The following DYNLT2 variants were observed in gnomAD, a reference collection of about 807,000 sequenced individuals.
DYNLT2 encodes the protein dynein light chain Tctex-type protein 2.
In DYNLT2, 24 loss-of-function variants were observed where a neutral mutation model predicts 24.3. The ratio of observed to expected loss-of-function variants is 0.99; its 90% CI spans 0.71 to 1.39. The LOEUF (loss-of-function observed/expected upper bound fraction) is 1.39. DYNLT2 is among the 40% of genes most tolerant of loss of function. The probability of loss-of-function intolerance (pLI) is 0.00; values close to 1 mark genes in which losing one functional copy is unlikely to be tolerated. For synonymous variants in DYNLT2, 85 were observed against 85.4 expected (o/e 1.00, Z 0.03); for missense variants, 246 against 234.5 (o/e 1.05, Z -0.32).
intron 1 of DYNLT2, 183 bp downstream of exon 1, chr6:169,751,156 A>G: frequency 1.1e-6 from 1 of 905,950 alleles, no homozygotes; most frequent in Non-Finnish European, 1.6e-6. Context: ...ACTCAAGTCC[A>G]AAGGGGACTG....
chr6:169,734,523 A>G, the DYNLT2 span, among the ~76,000 whole-genome samples: 1 of 152,110 alleles, frequency 6.6e-6, no homozygotes, highest in Non-Finnish European at 1.5e-5. Context: ...AGCCCTATCA[A>G]TCTGCATCTA....
At chr6:169,749,822 T>C (rs994831252) in intron 1 of DYNLT2, 59 of 152,278 alleles carry the variant, frequency 3.9e-4, no homozygotes, top group African/African-American at 1.4e-3. Context: ...GCAAGACAGA[T>C]AAAATCAAGA....
the DYNLT2 span, among the ~76,000 whole-genome samples, chr6:169,734,788 C>T: frequency 5.1e-4 from 77 of 152,042 alleles, no homozygotes; most frequent in South Asian, 1.7e-3. Flanking sequence ...GGTATCAGGG[C>T]GATGCTGGCT....
At chr6:169,746,463 TTTC>T (rs1205851732) in intron 1 of DYNLT2, among the ~76,000 whole-genome samples, 1 of 152,216 alleles carries the variant, frequency 6.6e-6, no homozygotes, top group Non-Finnish European at 1.5e-5. Context: ...AAATTTGAGA[TTTC>T]TTCTTTTGTA....
chr6:169,725,463 G>A, the DYNLT2 span: 1 of 397,374 alleles, frequency 2.5e-6, no homozygotes, highest in Non-Finnish European at 4.4e-6. Context: ...GGGCCCTCAA[G>A]CCGATCCTAA....
chr6:169,751,171 A>G (rs149725150), intron 1 of DYNLT2, 168 bp downstream of exon 1: 18 of 1,066,696 alleles, frequency 1.7e-5, no homozygotes, highest in South Asian at 4.7e-5. Flanking sequence ...GGACTGCCCA[A>G]CTCAGTCTCA....
intron 1 of DYNLT2, among the ~76,000 whole-genome samples, chr6:169,747,967 T>G (rs573695566): frequency 9.8e-5 from 15 of 152,352 alleles, no homozygotes; most frequent in African/African-American, 3.6e-4. Context: ...TTCTCAACCT[T>G]GATAAGCCAG....
chr6:169,732,510 A>G, the DYNLT2 span, among the ~76,000 whole-genome samples: 1 of 151,112 alleles, frequency 6.6e-6, no homozygotes, highest in Non-Finnish European at 1.5e-5. Flanking sequence ...TCAATGTTCA[A>G]CTCCCACTTA....
downstream of DYNLT2, among the ~76,000 whole-genome samples, chr6:169,735,410 A>G (rs142852881): frequency 2.0e-3 from 308 of 152,148 alleles, 4 homozygotes; most frequent in Admixed American, 0.013. Context: ...TAGCTTTCTG[A>G]TGCAGGCATT....
downstream of DYNLT2, among the ~76,000 whole-genome samples, chr6:169,738,317 G>A (rs142617294): frequency 7.9e-5 from 12 of 152,352 alleles, no homozygotes; most frequent in South Asian, 1.4e-3. Context: ...AGCCAGTGCT[G>A]GCCACCCTTC....
chr6:169,738,882 A>G (rs1789615391), downstream of DYNLT2: 1 of 151,752 alleles, frequency 6.6e-6, no homozygotes. Flanking sequence ...ACTTTCATGC[A>G]CTCCCGCAGC....
In DYNLT2 at chr6:169,751,436, A is replaced by T. The variant is rs1790059392; in HGVS notation, c.23T>A (p.Val8Glu). ...CGGGGTCTGGATGGGGCTCGACTTC[A>T]CGCCTCGGCCTCGCTTCTCCATCTC... is the stretch of plus-strand genomic sequence containing the variant. MEKRGRG[V>E]KSSPIQTPNQ... is the part of the protein sequence containing the mutation. The change falls in exon 1 of 4, where the codon GTG becomes GAG. Residue 8 changes from valine to glutamate, a missense_variant. Transcript: ENST00000366774. The T allele has an allele frequency of 6.2e-7, 1 of 1,613,848 alleles. No homozygotes were observed. Among genetic ancestry groups the T allele is most frequent in the Non-Finnish European group, 8.5e-7 (1 of 1,179,958 alleles).
downstream of DYNLT2, chr6:169,740,077 G>A (rs1405134075): frequency 9.7e-6 from 7 of 724,294 alleles, no homozygotes; most frequent in African/African-American, 3.6e-5. Context: ...GGCCTCAAAT[G>A]AGAATAAGAA....
At chr6:169,736,129 CG>C (rs1361057014), downstream of DYNLT2, among the ~76,000 whole-genome samples, 4 of 138,304 alleles carry the variant, frequency 2.9e-5, no homozygotes, top group East Asian at 6.1e-4. Context: ...GTTGTTGTTT[CG>C]TTTTTTTGTT....
chr6:169,734,754 T>A, the DYNLT2 span, among the ~76,000 whole-genome samples: 3 of 152,210 alleles, frequency 2.0e-5, no homozygotes, highest in Non-Finnish European at 4.4e-5. Flanking sequence ...TTTCTTTTTT[T>A]TTGTTGTGTC....
chr6:169,736,107 TTTGTTG>T (rs752179539), downstream of DYNLT2, among the ~76,000 whole-genome samples: 2 of 151,770 alleles, frequency 1.3e-5, no homozygotes, highest in African/African-American at 2.4e-5. Context: ...CAACCCCTGT[TTTGTTG>T]TTGTTGTTGT....
rs2128335134 is a variant in DYNLT2, at chr6:169,740,137, T to C, written c.*48A>G. The C allele has an allele frequency of 8.1e-7, 1 of 1,231,514 alleles. No individual in the cohort carries two copies. Among genetic ancestry groups the C allele is most frequent in the East Asian group, 2.3e-5 (1 of 42,818 alleles). 76.3% of individuals were successfully genotyped at this position (1,231,514 alleles called of 1,614,324 possible). A position where few individuals can be genotyped will look rare whatever the true frequency, so the allele number is the denominator to read the frequency against. ...GGTTTACAAATATGTAAATTTCATT[T>C]ATTTTTGAAAAGTTCGGAAGTAAAC... On this transcript the variant is annotated 3_prime_UTR_variant, in exon 4 of 4. Transcript: ENST00000366774.
chr6:169,729,026 G>A, the DYNLT2 span, among the ~76,000 whole-genome samples: 14 of 152,128 alleles, frequency 9.2e-5, no homozygotes, highest in Non-Finnish European at 2.1e-4. Context: ...AGAATTTACT[G>A]GCTGAATAAG....
At chr6:169,749,489 G>C (rs1315896300) in intron 1 of DYNLT2, 3 of 152,122 alleles carry the variant, frequency 2.0e-5, no homozygotes, top group Non-Finnish European at 4.4e-5. Flanking sequence ...ACCTTTGATC[G>C]CAACAACAGG....
Sources: gnomAD v4.1 joint callset for allele counts (sites outside exome capture counted in the v4.1 genomes callset) on GRCh38, gnomAD v4.1.1 for gene constraint, MANE v1.5 for transcripts, NCBI Gene and HGNC (gene_info 2026-07-23, HGNC 2026-07-21) for gene names.